NNMT: variants seen among roughly 807,000 people sequenced by gnomAD.
NNMT encodes nicotinamide N-methyltransferase.
In NNMT, 10 loss-of-function variants were observed where a neutral mutation model predicts 11.7. The ratio of observed to expected loss-of-function variants is 0.85; its 90% CI spans 0.53 to 1.45. The LOEUF is 1.45. Ranked by LOEUF, NNMT falls within the 40% of genes most tolerant of loss-of-function variation. NNMT has a pLI of 0.00. For synonymous variants in NNMT, 143 were observed against 133.8 expected (o/e 1.07, Z -0.48); for missense variants, 381 against 319.4 (o/e 1.19, Z -1.47).
At chr11:114,304,240 A>G (rs1361996929) in intron 2 of NNMT, among the ~76,000 whole-genome samples, 10 of 152,226 alleles carry the variant, frequency 6.6e-5, no homozygotes, top group Admixed American at 6.5e-4. Context: ...AGTCCAAATC[A>G]TCTGTCAAGA....
Position 114,298,139 on chromosome 11 carries a change from T to G in NNMT, c.343T>G (p.Cys115Gly). Residue 115 changes from cysteine (C) to glycine (G), a missense_variant, in exon 2 of 3, where the codon TGT (cysteine) becomes GGT (glycine). Transcript: ENST00000299964. ...CTGGTCCCCAGTGGTGACCTATGTG[T>G]GTGATCTTGAAGGGAACAGGTAGAG... ...FDWSPVVTYVCDLEGNRVKGP... is the reference protein window; with the variant it reads ...FDWSPVVTYVGDLEGNRVKGP... The G allele has an allele frequency of 6.2e-7, 1 of 1,614,126 alleles. No homozygotes were observed. Among genetic ancestry groups the G allele is most frequent in the Non-Finnish European group, 8.5e-7 (1 of 1,180,010 alleles).
rs934083613 is a variant in NNMT at position 114,259,350 on chromosome 11, G to C, written c.-217+1472G>C. ...GTACACACACGCAGAGGCCCAGTGGGGGGGGGGGAGCTCCTGCATCCCCAC... is the reference window on the plus strand; with the variant it reads ...GTACACACACGCAGAGGCCCAGTGGCGGGGGGGGAGCTCCTGCATCCCCAC... On this transcript the variant is annotated intron_variant, in intron 1 of 4. Coordinates refer to the NNMT transcript ENST00000535401. Among the ~76,000 whole-genome samples, 72 of 150,108 alleles carry C rather than the reference G, an allele frequency of 4.8e-4. 1 individual carries two copies. Among genetic ancestry groups the C allele is most frequent in the Admixed American group, 3.3e-3 (50 of 15,056 alleles).
intron 1 of NNMT, among the ~76,000 whole-genome samples, chr11:114,297,164 G>A (rs1000941830): frequency 6.6e-6 from 1 of 152,164 alleles, no homozygotes; most frequent in African/African-American, 2.4e-5. Flanking sequence ...TTCCTTGAAA[G>A]TATTGCTTAA....
At chr11:114,299,631 C>T (rs541523362) in intron 2 of NNMT, among the ~76,000 whole-genome samples, 5 of 152,218 alleles carry the variant, frequency 3.3e-5, no homozygotes, top group East Asian at 3.9e-4. Context: ...CATTTACCAG[C>T]GAAGCCAGGT....
At chr11:114,265,418 G>C (rs1365332241) in intron 2 of NNMT, among the ~76,000 whole-genome samples, 2 of 152,094 alleles carry the variant, frequency 1.3e-5, no homozygotes, top group Non-Finnish European at 2.9e-5. Flanking sequence ...ATCTTCTTCT[G>C]CTGGAGCTCT....
intron 1 of NNMT, among the ~76,000 whole-genome samples, chr11:114,297,093 T>C (rs1945388394): frequency 6.6e-6 from 1 of 152,212 alleles, no homozygotes; most frequent in African/African-American, 2.4e-5. Flanking sequence ...TCCCAATATA[T>C]GAAGAACTGG....
chr11:114,294,454 G>A (rs1195509968), upstream of NNMT, among the ~76,000 whole-genome samples: 4 of 139,882 alleles, frequency 2.9e-5, no homozygotes, highest in Admixed American at 7.5e-5. Context: ...CTCCAGCCTG[G>A]GTGACAGAGT....
At chr11:114,307,345 A>G (rs914838586) in intron 2 of NNMT, among the ~76,000 whole-genome samples, 3 of 152,134 alleles carry the variant, frequency 2.0e-5, no homozygotes, top group Non-Finnish European at 4.4e-5. Context: ...CTGGAAGTCA[A>G]TTTGTCCTTT....
intron 2 of NNMT, among the ~76,000 whole-genome samples, chr11:114,264,677 C>T (rs962570683): frequency 1.2e-4 from 18 of 152,246 alleles, no homozygotes; most frequent in African/African-American, 4.3e-4. Flanking sequence ...CAATCACAAG[C>T]TCCAGGTTGT....
chr11:114,296,911 C>T (rs1210750263), intron 1 of NNMT, among the ~76,000 whole-genome samples: 1 of 152,174 alleles, frequency 6.6e-6, no homozygotes, highest in Non-Finnish European at 1.5e-5. Flanking sequence ...CTCACTTGAT[C>T]AAGCAAAAGG....
chr11:114,306,653 G>T (rs1368904240), intron 2 of NNMT, among the ~76,000 whole-genome samples: 1 of 152,098 alleles, frequency 6.6e-6, no homozygotes, highest in Non-Finnish European at 1.5e-5. Flanking sequence ...AAGATGAGAT[G>T]GTTGTAGATG....
chr11:114,301,684 T>C (rs548425539), intron 2 of NNMT, among the ~76,000 whole-genome samples: 1 of 152,142 alleles, frequency 6.6e-6, no homozygotes, highest in East Asian at 1.9e-4. Context: ...AGTACTATAA[T>C]GGTGGACACA....
At chr11:114,291,179 C>A (rs144323260) in intron 2 of NNMT, among the ~76,000 whole-genome samples, 1 of 152,288 alleles carries the variant, frequency 6.6e-6, no homozygotes, top group African/African-American at 2.4e-5. Context: ...ATTTTGGATT[C>A]TGTGTATTGA....
intron 2 of NNMT, among the ~76,000 whole-genome samples, chr11:114,267,326 T>C (rs955718885): frequency 6.6e-6 from 1 of 152,194 alleles, no homozygotes; most frequent in Non-Finnish European, 1.5e-5. Flanking sequence ...TTACCACTGT[T>C]TGATATGATC....
intron 2 of NNMT, among the ~76,000 whole-genome samples, chr11:114,281,326 C>G (rs953673528): frequency 7.2e-5 from 11 of 152,142 alleles, no homozygotes; most frequent in African/African-American, 2.4e-4. Context: ...GATTCAGGCT[C>G]TTCCAAAAAG....
At chr11:114,300,242 T>G (rs760777994) in intron 2 of NNMT, among the ~76,000 whole-genome samples, 1 of 152,138 alleles carries the variant, frequency 6.6e-6, no homozygotes, top group Non-Finnish European at 1.5e-5. Context: ...ATCCCATGAT[T>G]CTTGTATGTG....
intron 2 of NNMT, among the ~76,000 whole-genome samples, chr11:114,305,820 T>C (rs1945486884): frequency 6.6e-6 from 1 of 152,164 alleles, no homozygotes; most frequent in Non-Finnish European, 1.5e-5. Flanking sequence ...TGTGTGCATG[T>C]GTCTTTATAG....
At position 114,301,132 on chromosome 11, in the gene NNMT, T is replaced by C. The variant is rs1945434615; in HGVS notation, c.362+2974T>C. ...GATGAGGCTGTGGGGAAAGAGGAAC[T>C]CTTATTTATTGTTCGTGGGAATTAA... On this transcript the variant is annotated intron_variant, in intron 2 of 2. Transcript: ENST00000299964. Among the ~76,000 whole-genome samples the C allele has an allele frequency of 3.9e-5, 6 of 152,190 alleles. No individual in the cohort carries two copies. The South Asian group carries it at 1.0e-3, about 26-fold the overall frequency.
At chr11:114,276,107 G>GCCCCCC (rs35929563) in intron 2 of NNMT, among the ~76,000 whole-genome samples, 99 of 142,266 alleles carry the variant, frequency 7.0e-4, no homozygotes, top group African/African-American at 1.5e-3. Context: ...GTTTCAGGCT[G>GCCCCCC]CCCCCCCACC....
Sources: gnomAD v4.1 joint callset for allele counts (sites outside exome capture counted in the v4.1 genomes callset) on GRCh38, gnomAD v4.1.1 for gene constraint, MANE v1.5 for transcripts, NCBI Gene and HGNC (gene_info 2026-07-23, HGNC 2026-07-21) for gene names.